AKT3: variants seen among roughly 807,000 people sequenced by gnomAD.
The protein encoded by AKT3 is AKT serine/threonine kinase 3, also known as RAC-gamma serine/threonine-protein kinase.
In AKT3, 15 loss-of-function variants were observed where a neutral mutation model predicts 65.3. The observed-to-expected ratio is 0.23, with a 90% confidence interval of 0.15 to 0.35. The LOEUF is 0.35. Ranked by LOEUF, AKT3 falls within the 10% of genes least tolerant of loss-of-function variation. The probability of loss-of-function intolerance (pLI) is 1.00; values close to 1 mark genes in which losing one functional copy is unlikely to be tolerated. For synonymous variants in AKT3, 206 were observed against 183.8 expected (o/e 1.12, Z -0.98); for missense variants, 243 against 576.5 (o/e 0.42, Z 5.92).
chr1:243,758,486 G>A lies in AKT3; in HGVS notation c.47-62770C>T, dbSNP rs144072963. Among the ~76,000 whole-genome samples, 816 of 152,314 alleles carry A rather than the reference G, an allele frequency of 5.4e-3. 3 individuals are homozygous for A. The highest frequency in any genetic ancestry group is 0.01 in the Middle Eastern group (3 of 294). On this transcript the variant is annotated intron_variant, in intron 2 of 13. Transcript: ENST00000673466. ...AAGCTGCAATAAGAGCATGAAGCAG[G>A]AAGTAGCAGAAACTGAGATCAGAGA... is the stretch of plus-strand genomic sequence containing the variant.
chr1:243,582,945 G>A (rs1262148271), intron 8 of AKT3, among the ~76,000 whole-genome samples: 2 of 149,814 alleles, frequency 1.3e-5, no homozygotes, highest in East Asian at 2.0e-4. Flanking sequence ...AAACAAAAAA[G>A]AGCAGGAATC....
chr1:243,665,924 TC>T (rs2147925230), intron 3 of AKT3, among the ~76,000 whole-genome samples: 1 of 152,316 alleles, frequency 6.6e-6, no homozygotes, highest in African/African-American at 2.4e-5. Flanking sequence ...ATCTGCTGTG[TC>T]CTATCTCCAT....
At chr1:243,803,042 G>A (rs1037224571) in intron 2 of AKT3, among the ~76,000 whole-genome samples, 1 of 152,114 alleles carries the variant, frequency 6.6e-6, no homozygotes. Context: ...CAGCTACTAG[G>A]GAGGCTGTGG....
chr1:243,502,841 G>T lies in AKT3; in HGVS notation c.*2408C>A. 2 of 233,278 alleles carry T rather than the reference G, an allele frequency of 8.6e-6. No individual in the cohort carries two copies. The highest frequency in any genetic ancestry group is 1.7e-5 in the Non-Finnish European group (2 of 118,028). 14.5% of individuals were successfully genotyped at this position (233,278 alleles called of 1,614,324 possible). The stretch of plus-strand genomic sequence containing the variant: ...GTCAGTGCCAGTCATTAATCTTTAA[G>T]AAGTGTCCTTGGCCAAGGTCATGGG... On this transcript the variant is annotated 3_prime_UTR_variant, in exon 14 of 14. Coordinates refer to ENST00000673466, the MANE Select transcript of AKT3 (RefSeq NM_005465.7).
chr1:243,581,904 C>T (rs1013935853), intron 8 of AKT3, among the ~76,000 whole-genome samples: 7 of 151,874 alleles, frequency 4.6e-5, no homozygotes, highest in African/African-American at 1.7e-4. Flanking sequence ...ATCAATCAGA[C>T]TTTCTGGAAT....
intron 2 of AKT3, among the ~76,000 whole-genome samples, chr1:243,786,473 G>A (rs1691267627): frequency 6.6e-6 from 1 of 152,150 alleles, no homozygotes; most frequent in African/African-American, 2.4e-5. Flanking sequence ...TCCTAGCTGT[G>A]CAGCCCCAAT....
At chr1:243,600,474 A>G (rs779042541) in intron 8 of AKT3, among the ~76,000 whole-genome samples, 6 of 152,296 alleles carry the variant, frequency 3.9e-5, no homozygotes, top group Non-Finnish European at 5.9e-5. Flanking sequence ...ATATAGACCA[A>G]TACAACAGAA....
rs538998966 is a variant in AKT3, at chr1:243,732,687, A to G, written c.47-36971T>C. 7.2e-5 allele frequency among the ~76,000 whole-genome samples: 11 copies of G among 152,316 alleles called. No homozygotes were observed. In the South Asian group the frequency reaches 1.0e-3, roughly 14 times the overall value. ...CATCTATTGTTATGTGCATTTGCCA[A>G]TCAGTATTGTTATGGTTCTACAAAG... On this transcript the variant is annotated intron_variant, in intron 2 of 13. Transcript: ENST00000673466.
At chr1:243,598,675 C>T (rs1676801694) in intron 8 of AKT3, among the ~76,000 whole-genome samples, 1 of 152,162 alleles carries the variant, frequency 6.6e-6, no homozygotes, top group East Asian at 1.9e-4. Context: ...CTCATCAGAG[C>T]ACAGGAAGTT....
intron 8 of AKT3, among the ~76,000 whole-genome samples, chr1:243,584,385 A>G (rs1675640980): frequency 6.6e-6 from 1 of 152,168 alleles, no homozygotes; most frequent in African/African-American, 2.4e-5. Flanking sequence ...TATGTAAGGT[A>G]CAAGGAAGAG....
intron 2 of AKT3, among the ~76,000 whole-genome samples, chr1:243,788,026 T>G (rs1478847017): frequency 6.6e-6 from 1 of 152,156 alleles, no homozygotes; most frequent in African/African-American, 2.4e-5. Context: ...TTCCCTAATG[T>G]ATGCATTTGA....
intron 2 of AKT3, among the ~76,000 whole-genome samples, chr1:243,756,157 T>C (rs1258623214): frequency 6.6e-6 from 1 of 152,230 alleles, no homozygotes; most frequent in African/African-American, 2.4e-5. Context: ...CAGTTTTTAA[T>C]ATACAGATGC....
intron 5 of AKT3, among the ~76,000 whole-genome samples, chr1:243,642,634 G>T (rs10927051): frequency 6.6e-6 from 1 of 151,968 alleles, no homozygotes; most frequent in Non-Finnish European, 1.5e-5. Context: ...TAAAAATATA[G>T]GAGTATGAAT....
At chr1:243,515,162 T>C (rs890806155) in intron 12 of AKT3, among the ~76,000 whole-genome samples, 12 of 152,226 alleles carry the variant, frequency 7.9e-5, no homozygotes, top group African/African-American at 2.4e-4. Context: ...TTTCAGTACA[T>C]AGATGTATCA....
chr1:243,802,071 T>C (rs1692413692), intron 2 of AKT3, among the ~76,000 whole-genome samples: 1 of 152,182 alleles, frequency 6.6e-6, no homozygotes, highest in Non-Finnish European at 1.5e-5. Flanking sequence ...GTTTTCACAA[T>C]CATCTTAAAT....
chr1:243,821,459 A>C (rs976506504), intron 2 of AKT3, among the ~76,000 whole-genome samples: 5 of 152,194 alleles, frequency 3.3e-5, no homozygotes, highest in African/African-American at 1.2e-4. Flanking sequence ...TAAATGGGCC[A>C]AATGTCCCAA....
At chr1:243,762,416 T>C (rs1391055320) in intron 2 of AKT3, among the ~76,000 whole-genome samples, 1 of 152,116 alleles carries the variant, frequency 6.6e-6, no homozygotes, top group African/African-American at 2.4e-5. Flanking sequence ...TTATCTTTTT[T>C]ATCTGACTGA....
chr1:243,608,734 A>C (rs1325418975), intron 8 of AKT3, among the ~76,000 whole-genome samples: 2 of 130,036 alleles, frequency 1.5e-5, no homozygotes, highest in Non-Finnish European at 3.1e-5. Context: ...ACAGTAATTA[A>C]GTTTTTTGCT....
intron 4 of AKT3, among the ~76,000 whole-genome samples, chr1:243,654,994 A>G (rs559784773): frequency 6.6e-6 from 1 of 152,104 alleles, no homozygotes; most frequent in Non-Finnish European, 1.5e-5. Flanking sequence ...AAAAAATTTC[A>G]ATCATTATAT....
Sources: gnomAD v4.1 joint callset for allele counts (sites outside exome capture counted in the v4.1 genomes callset) on GRCh38, gnomAD v4.1.1 for gene constraint, MANE v1.5 for transcripts, NCBI Gene and HGNC (gene_info 2026-07-23, HGNC 2026-07-21) for gene names.